The following ARSG variants were observed in gnomAD, a reference collection of about 807,000 sequenced individuals.
The protein encoded by ARSG is ASG.
In ARSG, 37 loss-of-function variants were observed where a neutral mutation model predicts 50.5. The ratio of observed to expected loss-of-function variants is 0.73; its 90% CI spans 0.56 to 0.96. The LOEUF (loss-of-function observed/expected upper bound fraction) is 0.96, where lower values mean the gene tolerates loss of function less well. ARSG is among the 50% of genes least tolerant of loss of function. ARSG has a pLI of 0.00. For missense variants in ARSG, 629 were observed against 675.3 expected (o/e 0.93, Z 0.76); for synonymous variants, 225 against 254.6 (o/e 0.88, Z 1.11).
chr17:68,433,497 G>A, the ARSG span: 2 of 1,614,116 alleles, frequency 1.2e-6, no homozygotes, highest in South Asian at 2.2e-5. Context: ...GCTTGAAGAT[G>A]TGTACCGTCT....
intron 4 of ARSG, among the ~76,000 whole-genome samples, chr17:68,350,029 A>G (rs1426657607): frequency 2.0e-5 from 3 of 152,226 alleles, no homozygotes; most frequent in African/African-American, 7.2e-5. Flanking sequence ...TGTAGGCTAC[A>G]CTAGGAGAAT....
intron 11 of ARSG, 92 bp from the exon 12 acceptor site, chr17:68,420,097 T>G (rs756341345): frequency 4.2e-6 from 6 of 1,428,870 alleles, no homozygotes; most frequent in Non-Finnish European, 5.7e-6. Context: ...CTGGTATGTT[T>G]GAATTAATGT....
At chr17:68,441,308 C>G in the ARSG span, among the ~76,000 whole-genome samples, 64 of 152,318 alleles carry the variant, frequency 4.2e-4, 1 homozygote, top group African/African-American at 1.5e-3. Context: ...TTTACAGCTG[C>G]GTTAGATACC....
At chr17:68,443,861 G>C in the ARSG span, among the ~76,000 whole-genome samples, 1 of 152,126 alleles carries the variant, frequency 6.6e-6, no homozygotes, top group Non-Finnish European at 1.5e-5. Flanking sequence ...ACACAATGAA[G>C]GAATTCTTTC....
intron 8 of ARSG, among the ~76,000 whole-genome samples, chr17:68,372,668 C>T (rs529481613): frequency 3.3e-5 from 5 of 152,164 alleles, no homozygotes; most frequent in Non-Finnish European, 4.4e-5. Context: ...GATTACAATT[C>T]GTCATGAGAT....
rs1367977624 is a variant in ARSG, at chr17:68,381,220, CCT to C, written c.983-3843_983-3842del. 6.6e-6 allele frequency among the ~76,000 whole-genome samples: 1 copy of C among 152,212 alleles called. No individual in the cohort carries two copies. Among genetic ancestry groups the C allele is most frequent in the Admixed American group, 6.5e-5 (1 of 15,282 alleles). On this transcript the variant is annotated intron_variant, in intron 8 of 11. Coordinates refer to ENST00000621439, the MANE Select transcript of ARSG (RefSeq NM_001267727.2). The surrounding 1 kb of genome is among the most constrained non-coding windows in gnomAD (Gnocchi z 4.1). ...AGTGGTGAGTCTTCCCCGGCCTGCC[CCT>C]GTCTTCATGCATCATAAAATGCCAC... is the stretch of plus-strand genomic sequence containing the variant.
In ARSG at chr17:68,271,576, A is replaced by T. The variant is rs1471583055; in HGVS notation, c.-552+12150A>T. The stretch of plus-strand genomic sequence containing the variant: ...GATGGGTCTGAGCAGTGCTCCGAAG[A>T]TGACAATGTTTAACTGTAGTAGGCC... On this transcript the variant is annotated intron_variant, in intron 1 of 11. Transcript: ENST00000448504. This position sits in a 1 kb window ranked among gnomAD's most constrained non-coding sequence, Gnocchi z 5.3. The T allele has an allele frequency of 6.2e-7, 1 of 1,614,090 alleles. No homozygotes were observed. The highest frequency in any genetic ancestry group is 1.3e-5 in the African/African-American group (1 of 74,938).
rs570811874 is a variant in ARSG at position 68,307,909 on chromosome 17, T to TGTTAGGAGCTAG, written c.218+198_218+199insGTTAGGAGCTAG. The stretch of plus-strand genomic sequence containing the variant: ...ATCTAGCACCCATCCATCTATCTAG[T>TGTTAGGAGCTAG]AACATTCATTATGTGTTAGGAGCTA... On this transcript the variant is annotated intron_variant, in intron 2 of 11. Coordinates refer to ENST00000621439, the MANE Select transcript of ARSG (RefSeq NM_001267727.2). Among the ~76,000 whole-genome samples, 791 of 152,288 alleles carry TGTTAGGAGCTAG rather than the reference T, an allele frequency of 5.2e-3. 8 individuals carry two copies. The highest frequency in any genetic ancestry group is 0.018 in the African/African-American group (736 of 41,554).
intron 2 of ARSG, among the ~76,000 whole-genome samples, chr17:68,310,043 A>G (rs6501371): frequency 0.38 from 57,349 of 149,202 alleles, 12,509 homozygotes; most frequent in African/African-American, 0.6. Flanking sequence ...GCACGATCTC[A>G]GCTCACTGCA....
chr17:68,405,982 A>G (rs1038143788), intron 11 of ARSG, among the ~76,000 whole-genome samples: 6 of 151,998 alleles, frequency 3.9e-5, no homozygotes, highest in African/African-American at 1.5e-4. Flanking sequence ...ATTTTGGTGC[A>G]CCCATCACCC....
intron 2 of ARSG, among the ~76,000 whole-genome samples, chr17:68,330,376 T>C (rs2077677739): frequency 6.6e-6 from 1 of 152,108 alleles, no homozygotes; most frequent in African/African-American, 2.4e-5. Context: ...GTGTGAATGG[T>C]GGCCCTTGGG....
rs2080636422 is a variant in ARSG at position 68,385,068 on chromosome 17, A to G, written c.987A>G (p.Gly329=). 4.3e-6 allele frequency: 7 copies of G among 1,613,428 alleles called. No individual in the cohort carries two copies. In the African/African-American group the frequency reaches 9.4e-5, roughly 22 times the overall value. ...CTGCCTCCCCTCCTCTCACAGGGGG[A>G]AGTCCAGCCAAGCAGACGACCTGGG... ...FTGFWQTRQG[G]SPAKQTTWEG... The change falls in exon 9 of 12, where the codon GGA becomes GGG. Residue 329 remains glycine (G), a synonymous_variant. Coordinates refer to ENST00000621439, the MANE Select transcript of ARSG (RefSeq NM_001267727.2).
chr17:68,333,662 A>G (rs2077885796), intron 2 of ARSG, among the ~76,000 whole-genome samples: 1 of 149,060 alleles, frequency 6.7e-6, no homozygotes, highest in Admixed American at 6.7e-5. Flanking sequence ...TAATAATAAT[A>G]ATAATAATAA....
intron 8 of ARSG, among the ~76,000 whole-genome samples, chr17:68,375,861 C>T (rs1209567912): frequency 1.3e-5 from 2 of 151,962 alleles, no homozygotes; most frequent in Non-Finnish European, 2.9e-5. Flanking sequence ...ATGGGGCCAG[C>T]GTTCAACGAT....
At chr17:68,315,172 C>G (rs1204280324) in intron 2 of ARSG, among the ~76,000 whole-genome samples, 1 of 152,148 alleles carries the variant, frequency 6.6e-6, no homozygotes, top group East Asian at 1.9e-4. Flanking sequence ...GAGCCTTATT[C>G]TTTCAGGGCT....
rs1021310103 is a variant in ARSG at position 68,378,445 on chromosome 17, G to A, written c.983-6619G>A. ...ATGGGATGAGGCAGCGTCTCCTGGA[G>A]TCATCTTTTCACCCCGTGCGTGTGG... is the stretch of plus-strand genomic sequence containing the variant. On this transcript the variant is annotated intron_variant, in intron 8 of 11. Coordinates refer to ENST00000621439, the MANE Select transcript of ARSG (RefSeq NM_001267727.2). The surrounding 1 kb of genome is among the most constrained non-coding windows in gnomAD (Gnocchi z 4.4). Among the ~76,000 whole-genome samples the A allele has an allele frequency of 6.6e-6, 1 of 152,212 alleles. No homozygotes were observed. Among genetic ancestry groups the A allele is most frequent in the African/African-American group, 2.4e-5 (1 of 41,458 alleles).
intron 4 of ARSG, among the ~76,000 whole-genome samples, chr17:68,350,514 G>A (rs555604458): frequency 6.6e-5 from 10 of 152,078 alleles, no homozygotes; most frequent in Non-Finnish European, 1.3e-4. Context: ...GGCCGGGCGC[G>A]GTGGCTCACA....
chr17:68,294,849 C>A (rs1448153639), intron 1 of ARSG, among the ~76,000 whole-genome samples: 2 of 152,128 alleles, frequency 1.3e-5, no homozygotes, highest in Non-Finnish European at 2.9e-5. Flanking sequence ...CCCCGCAGCA[C>A]CCCGCCAAAT....
Position 68,356,538 on chromosome 17 carries a change from C to A in ARSG, c.567-129C>A, listed in dbSNP as rs2079039933. The A allele has an allele frequency of 2.5e-5, 27 of 1,091,836 alleles. 1 individual carries two copies. In the South Asian group the frequency reaches 3.6e-4, roughly 14 times the overall value. 67.6% of individuals were successfully genotyped at this position (1,091,836 alleles called of 1,614,324 possible). ...GACTTTTACACTTGGAGGAAATGGC[C>A]AACCAGAAAAATCATTTGGGGCCAG... On this transcript the variant is annotated intron_variant, in intron 5 of 11. Coordinates refer to ENST00000621439, the MANE Select transcript of ARSG (RefSeq NM_001267727.2).
Sources: allele counts gnomAD v4.1 joint callset (sites outside exome capture counted in the v4.1 genomes callset), GRCh38; gene constraint gnomAD v4.1.1; non-coding constraint Gnocchi (gnomAD v3.1); transcripts MANE v1.5; gene names NCBI Gene and HGNC (gene_info 2026-07-23, HGNC 2026-07-21).